The following EIF3H variants were observed in gnomAD, a reference collection of about 807,000 sequenced individuals.
EIF3H encodes the protein eIF-3-gamma.
EIF3H carries 26 observed loss-of-function variants against 44.2 expected under a neutral mutation model. The ratio of observed to expected loss-of-function variants is 0.59; its 90% confidence interval spans 0.43 to 0.82. The LOEUF (loss-of-function observed/expected upper bound fraction) is 0.82, where lower values mean the gene tolerates loss of function less well. Ranked by LOEUF, EIF3H falls within the 40% of genes least tolerant of loss-of-function variation. EIF3H has a pLI of 0.00. For missense variants in EIF3H, 359 were observed against 432.8 expected (o/e 0.83, Z 1.51); for synonymous variants, 166 against 151.9 (o/e 1.09, Z -0.68).
At chr8:116,710,030 G>A (rs921911965) in intron 2 of EIF3H, among the ~76,000 whole-genome samples, 15 of 152,150 alleles carry the variant, frequency 9.9e-5, no homozygotes, top group African/African-American at 3.4e-4. Context: ...GGCACCCAGC[G>A]TTCACACAGA....
At chr8:116,735,750 A>AGGTATG (rs1815024864) in intron 1 of EIF3H, among the ~76,000 whole-genome samples, 2 of 149,582 alleles carry the variant, frequency 1.3e-5, no homozygotes, top group Non-Finnish European at 3.0e-5. Context: ...TCAAGCCCCC[A>AGGTATG]CTTTATTACG....
chr8:116,755,738 G>A lies in EIF3H; in HGVS notation c.60C>T (p.Gly20=), dbSNP rs1396519370. 6.2e-7 allele frequency: 1 copy of A among 1,613,996 alleles called. No individual in the cohort carries two copies. The highest frequency in any genetic ancestry group is 8.5e-7 in the Non-Finnish European group (1 of 1,180,036). ...CTTTGCCTTTGCCTTTCCCTGCTGCGCCGGCGGTGGAGCTGGAAGAGGTGG... is the reference window on the plus strand; with the variant it reads ...CTTTGCCTTTGCCTTTCCCTGCTGCACCGGCGGTGGAGCTGGAAGAGGTGG... ...STATSSSSTA[G]AAGKGKGKGG... is the part of the protein sequence containing the mutation. The change falls in exon 1 of 8, where the codon GGC becomes GGT. Residue 20 remains glycine (G), a synonymous_variant. Transcript: ENST00000521861.
chr8:116,660,029 G>A (rs1038205234), intron 2 of EIF3H, among the ~76,000 whole-genome samples: 1 of 152,000 alleles, frequency 6.6e-6, no homozygotes, highest in Non-Finnish European at 1.5e-5. Context: ...TGGGACTACA[G>A]GTGTGAACCA....
At chr8:116,739,116 CA>C (rs1262665450) in intron 1 of EIF3H, among the ~76,000 whole-genome samples, 1 of 152,178 alleles carries the variant, frequency 6.6e-6, no homozygotes, top group Non-Finnish European at 1.5e-5. Flanking sequence ...ACACCTGGAC[CA>C]CCCAGGGCAG....
chr8:116,655,036 T>C (rs760827500), intron 5 of EIF3H, among the ~76,000 whole-genome samples: 2 of 152,094 alleles, frequency 1.3e-5, no homozygotes, highest in African/African-American at 2.4e-5. Flanking sequence ...ATTGATTCTT[T>C]ACCTACTCTG....
intron 2 of EIF3H, among the ~76,000 whole-genome samples, chr8:116,718,410 T>C (rs1177723962): frequency 6.6e-6 from 1 of 152,120 alleles, no homozygotes; most frequent in African/African-American, 2.4e-5. Flanking sequence ...ACAAAGATAC[T>C]TGTACATGTA....
chr8:116,698,273 C>T (rs1355743152), intron 2 of EIF3H, among the ~76,000 whole-genome samples: 1 of 151,916 alleles, frequency 6.6e-6, no homozygotes, highest in Non-Finnish European at 1.5e-5. Context: ...GTAAACCATA[C>T]ACATTTCATT....
intron 2 of EIF3H, among the ~76,000 whole-genome samples, chr8:116,719,842 C>T (rs893125309): frequency 6.6e-6 from 1 of 152,136 alleles, no homozygotes; most frequent in Non-Finnish European, 1.5e-5. Context: ...AACTTATTTA[C>T]TTGTTTTACA....
intron 6 of EIF3H, among the ~76,000 whole-genome samples, chr8:116,648,475 T>G (rs980803449): frequency 6.6e-6 from 1 of 152,190 alleles, no homozygotes; most frequent in African/African-American, 2.4e-5. Flanking sequence ...AATGAGCCAC[T>G]GCCAAACCAA....
intron 2 of EIF3H, among the ~76,000 whole-genome samples, chr8:116,722,850 A>T (rs1239870650): frequency 6.6e-6 from 1 of 152,202 alleles, no homozygotes; most frequent in African/African-American, 2.4e-5. Flanking sequence ...TAGGATAATA[A>T]TCTGTGCTTC....
At position 116,657,294 on chromosome 8, in the gene EIF3H, C is replaced by A. The variant is rs1813506815; in HGVS notation, c.478G>T (p.Gly160Ter). Residue 160 changes from glycine (G) to a stop codon, truncating the protein, a stop_gained, in exon 4 of 8, where the codon GGA becomes TGA. Transcript: ENST00000521861. LOFTEE classifies it high-confidence loss of function. The stretch of plus-strand genomic sequence containing the variant: ...CTGTATGCCTTTAGTGAGAGAGATC[C>A]TTGGGCAGTTTTTATGGGATCTCAA... ...LIYDPIKTAQ[G>*]SLSLKAYRLT... 1 of 1,613,292 alleles carries A rather than the reference C, an allele frequency of 6.2e-7. No individual in the cohort carries two copies. The highest frequency in any genetic ancestry group is 1.7e-5 in the Admixed American group (1 of 59,958).
chr8:116,671,998 T>TA (rs1168727314), intron 2 of EIF3H, among the ~76,000 whole-genome samples: 2 of 152,234 alleles, frequency 1.3e-5, no homozygotes, highest in African/African-American at 4.8e-5. Context: ...AAAAATAGTT[T>TA]AAAAATAACC....
At position 116,752,736 on chromosome 8, in the gene EIF3H, A is replaced by AAAGAAAGAAAGAAAGAAAGAAGG. The variant is rs1435243692; in HGVS notation, c.132+2929_132+2930insCCTTCTTTCTTTCTTTCTTTCTT. On this transcript the variant is annotated intron_variant, in intron 1 of 7. Coordinates refer to ENST00000521861, the MANE Select transcript of EIF3H (RefSeq NM_003756.3). ...AGAAAGAAAGAAAGAAAGAAAGAAG[A>AAAGAAAGAAAGAAAGAAAGAAGG]GAAAGAAAGAAAGAAAGAGGGAGGG... 1.4e-4 allele frequency among the ~76,000 whole-genome samples: 12 copies of AAAGAAAGAAAGAAAGAAAGAAGG among 87,128 alleles called. 1 individual carries two copies. Among genetic ancestry groups the AAAGAAAGAAAGAAAGAAAGAAGG allele is most frequent in the Non-Finnish European group, 1.6e-4 (7 of 42,648 alleles). 57.2% of individuals were successfully genotyped at this position (87,128 alleles called of 152,430 possible). A position where few individuals can be genotyped will look rare whatever the true frequency, so the allele number is the denominator to read the frequency against.
intron 2 of EIF3H, among the ~76,000 whole-genome samples, chr8:116,693,030 T>C (rs1814205869): frequency 6.6e-6 from 1 of 152,206 alleles, no homozygotes; most frequent in African/African-American, 2.4e-5. Context: ...GAAGATTTTT[T>C]ATAACCCAAA....
intron 2 of EIF3H, among the ~76,000 whole-genome samples, chr8:116,691,811 G>A (rs1330861789): frequency 6.7e-6 from 1 of 149,506 alleles, no homozygotes; most frequent in Non-Finnish European, 1.5e-5. Context: ...GGCGGAGGAT[G>A]CAGCAAGCAG....
upstream of EIF3H, among the ~76,000 whole-genome samples, chr8:116,760,757 T>G (rs1216148781): frequency 6.6e-6 from 1 of 152,242 alleles, no homozygotes; most frequent in Non-Finnish European, 1.5e-5. Flanking sequence ...TTTAATTTCT[T>G]GCCACCAGGA....
chr8:116,685,112 T>C (rs1286630124), intron 2 of EIF3H, among the ~76,000 whole-genome samples: 1 of 152,210 alleles, frequency 6.6e-6, no homozygotes, highest in African/African-American at 2.4e-5. Flanking sequence ...ACTCCGTCTT[T>C]AGGTTATACA....
At chr8:116,720,769 T>A in intron 2 of EIF3H, among the ~76,000 whole-genome samples, 1 of 152,102 alleles carries the variant, frequency 6.6e-6, no homozygotes, top group East Asian at 1.9e-4. Context: ...AAAATGACTC[T>A]TGCTATGTTT....
chr8:116,717,098 T>C (rs1814671117), intron 2 of EIF3H, among the ~76,000 whole-genome samples: 2 of 152,194 alleles, frequency 1.3e-5, no homozygotes, highest in African/African-American at 4.8e-5. Context: ...TATATATCCA[T>C]ATAACAGAAA....
Sources: allele counts gnomAD v4.1 joint callset (sites outside exome capture counted in the v4.1 genomes callset), GRCh38; gene constraint gnomAD v4.1.1; transcripts MANE v1.5; gene names NCBI Gene and HGNC (gene_info 2026-07-23, HGNC 2026-07-21).